Variants in MSI2 observed in about 807,000 individuals in gnomAD.
The protein encoded by MSI2 is RNA-binding protein Musashi homolog 2.
MSI2 carries 17 observed loss-of-function variants against 45.6 expected under a neutral mutation model. The observed-to-expected ratio is 0.37, with a 90% CI of 0.26 to 0.56. The LOEUF (loss-of-function observed/expected upper bound fraction) is 0.56, where lower values mean the gene tolerates loss of function less well. Among genes scored for constraint, MSI2 ranks in the 20% least tolerant of loss-of-function variants. The pLI, the probability that MSI2 is intolerant of heterozygous loss-of-function variation, is 0.77. For missense variants in MSI2, 293 were observed against 444.2 expected (o/e 0.66, Z 3.06); for synonymous variants, 156 against 158.2 (o/e 0.99, Z 0.11).
At chr17:57,341,090 C>A (rs1180886793) in intron 5 of MSI2, among the ~76,000 whole-genome samples, 1 of 152,204 alleles carries the variant, frequency 6.6e-6, no homozygotes, top group African/African-American at 2.4e-5. Flanking sequence ...TTCCCTAGCC[C>A]TCTTCTTTTA....
At chr17:57,522,988 A>G (rs951296495) in intron 6 of MSI2, 2 of 151,602 alleles carry the variant, frequency 1.3e-5, no homozygotes, top group Non-Finnish European at 2.9e-5. Flanking sequence ...GTTCCCACCC[A>G]TTAGCCAGCT....
At chr17:57,467,795 C>T (rs989277828) in intron 6 of MSI2, among the ~76,000 whole-genome samples, 3 of 151,800 alleles carry the variant, frequency 2.0e-5, no homozygotes, top group Non-Finnish European at 4.4e-5. Flanking sequence ...CCAGGAAGGC[C>T]ATTCTCATAG....
Position 57,302,707 on chromosome 17 carries a change from T to C in MSI2, c.312+40515T>C, listed in dbSNP as rs1598093661. ...CTTGCAGCACTTTTCTTGGATTCTG[T>C]GTATTACATTTTGAGAACCCAGCTG... On this transcript the variant is annotated intron_variant, in intron 5 of 13. Coordinates refer to ENST00000284073, the MANE Select transcript of MSI2 (RefSeq NM_138962.4). Among the ~76,000 whole-genome samples, 3 of 152,316 alleles carry C rather than the reference T, an allele frequency of 2.0e-5. No homozygotes were observed. In the South Asian group the frequency reaches 6.2e-4, roughly 32 times the overall value.
chr17:57,604,290 G>A (rs1267475711), intron 8 of MSI2, among the ~76,000 whole-genome samples: 1 of 152,230 alleles, frequency 6.6e-6, no homozygotes, highest in African/African-American at 2.4e-5. Context: ...CTATCAGAGT[G>A]ATAGATTTTT....
chr17:57,285,246 C>G (rs1480754909), intron 5 of MSI2, among the ~76,000 whole-genome samples: 1 of 152,146 alleles, frequency 6.6e-6, no homozygotes, highest in Admixed American at 6.5e-5. Flanking sequence ...AGGGAGGGTT[C>G]TTTGGGTTCA....
intron 6 of MSI2, among the ~76,000 whole-genome samples, chr17:57,527,336 A>C (rs73312838): frequency 0.042 from 6,339 of 149,414 alleles, 422 homozygotes; most frequent in African/African-American, 0.15. Context: ...AGATATGCTC[A>C]TATCACCATA....
chr17:57,648,870 C>A (rs968391280), intron 10 of MSI2, among the ~76,000 whole-genome samples: 1 of 152,178 alleles, frequency 6.6e-6, no homozygotes, highest in Non-Finnish European at 1.5e-5. Context: ...CTCCTCAGGG[C>A]CTGGGGGAAA....
chr17:57,479,549 T>C (rs1223059066), intron 6 of MSI2, among the ~76,000 whole-genome samples: 1 of 152,232 alleles, frequency 6.6e-6, no homozygotes, highest in Non-Finnish European at 1.5e-5. Context: ...TATTTAATTA[T>C]GGGAAATTCA....
chr17:57,527,031 A>C (rs2086716999), intron 6 of MSI2, among the ~76,000 whole-genome samples: 1 of 152,224 alleles, frequency 6.6e-6, no homozygotes, highest in African/African-American at 2.4e-5. Flanking sequence ...CCAATTATGC[A>C]CTGTTGAAAG....
intron 5 of MSI2, among the ~76,000 whole-genome samples, chr17:57,374,728 G>A (rs945095553): frequency 2.0e-5 from 3 of 152,186 alleles, no homozygotes; most frequent in African/African-American, 4.8e-5. Flanking sequence ...GCAGTAAGTC[G>A]AGATTATGCC....
chr17:57,309,639 A>G (rs1435696219), intron 5 of MSI2, among the ~76,000 whole-genome samples: 1 of 152,208 alleles, frequency 6.6e-6, no homozygotes, highest in Non-Finnish European at 1.5e-5. Context: ...AGTCTTTGTG[A>G]CTTGATCATC....
intron 6 of MSI2, among the ~76,000 whole-genome samples, chr17:57,451,719 T>A (rs2085023046): frequency 1.3e-5 from 2 of 152,224 alleles, no homozygotes; most frequent in Non-Finnish European, 2.9e-5. Context: ...GCTGCAGATT[T>A]TGAGAAAGCC....
chr17:57,527,780 C>A (rs916731654), intron 6 of MSI2, among the ~76,000 whole-genome samples: 5 of 152,246 alleles, frequency 3.3e-5, no homozygotes, highest in African/African-American at 1.2e-4. Context: ...TGCCTACCCC[C>A]ATCTTCCATT....
At chr17:57,610,004 A>T (rs11653073) in intron 8 of MSI2, among the ~76,000 whole-genome samples, 2 of 152,030 alleles carry the variant, frequency 1.3e-5, no homozygotes, top group South Asian at 4.1e-4. Context: ...ATATATAGCT[A>T]TAAAGGTCAT....
intron 7 of MSI2, among the ~76,000 whole-genome samples, chr17:57,559,187 A>C (rs76999270): frequency 4.6e-5 from 7 of 152,368 alleles, no homozygotes; most frequent in Admixed American, 4.6e-4. Context: ...ACAGAAGCAC[A>C]AAGTGAGATG....
At chr17:57,301,576 A>T (rs1414783054) in intron 5 of MSI2, among the ~76,000 whole-genome samples, 3 of 152,172 alleles carry the variant, frequency 2.0e-5, no homozygotes, top group Non-Finnish European at 4.4e-5. Flanking sequence ...TCACCCTTGT[A>T]TTAGAATACT....
At position 57,540,150 on chromosome 17, in the gene MSI2, G is replaced by A. The variant is rs559295841; in HGVS notation, c.454+10426G>A. 2.6e-5 allele frequency among the ~76,000 whole-genome samples: 4 copies of A among 152,296 alleles called. No individual in the cohort carries two copies. The South Asian group carries it at 8.3e-4, about 32-fold the overall frequency. On this transcript the variant is annotated intron_variant, in intron 7 of 13. Coordinates refer to ENST00000284073, the MANE Select transcript of MSI2 (RefSeq NM_138962.4). Reference sequence around the variant, plus strand: ...ACCTCAGTTTTCTCATCTATTAAATGGTGTTAATGTTATTAACTCATGGAC... The same window carrying A: ...ACCTCAGTTTTCTCATCTATTAAATAGTGTTAATGTTATTAACTCATGGAC...
intron 6 of MSI2, among the ~76,000 whole-genome samples, chr17:57,438,687 G>T (rs1032941577): frequency 2.0e-5 from 3 of 152,108 alleles, no homozygotes; most frequent in Non-Finnish European, 4.4e-5. Context: ...TTTAGGAGGG[G>T]GAAAATGGAA....
chr17:57,264,793 CAG>C (rs1249620284), intron 5 of MSI2: 1 of 152,248 alleles, frequency 6.6e-6, no homozygotes, highest in Non-Finnish European at 1.5e-5. Context: ...GGGGGTACCT[CAG>C]GGGATGGCCC....
Sources: gnomAD v4.1 joint callset for allele counts (sites outside exome capture counted in the v4.1 genomes callset) on GRCh38, gnomAD v4.1.1 for gene constraint, MANE v1.5 for transcripts, NCBI Gene and HGNC (gene_info 2026-07-23, HGNC 2026-07-21) for gene names.